The following MYO18B variants were observed in gnomAD, a reference collection of about 807,000 sequenced individuals.
MYO18B encodes unconventional myosin-XVIIIb.
MYO18B carries 204 observed loss-of-function variants against 273.0 expected under a neutral mutation model. The ratio of observed to expected loss-of-function variants is 0.75; its 90% confidence interval spans 0.67 to 0.84. The LOEUF (loss-of-function observed/expected upper bound fraction) is 0.84. Ranked by LOEUF, MYO18B falls within the 40% of genes least tolerant of loss-of-function variation. The pLI is 0.00. For synonymous variants in MYO18B, 1,330 were observed against 1,305.7 expected (o/e 1.02, Z -0.40); for missense variants, 3,212 against 3,287.6 (o/e 0.98, Z 0.56).
chr22:26,030,017 G>A (rs1227100132), intron 43 of MYO18B, among the ~76,000 whole-genome samples: 1 of 152,028 alleles, frequency 6.6e-6, no homozygotes, highest in Non-Finnish European at 1.5e-5. Context: ...CTACAGTAAC[G>A]CCACCTGGGT....
At chr22:25,969,543 G>A (rs945523117) in intron 39 of MYO18B, among the ~76,000 whole-genome samples, 5 of 152,202 alleles carry the variant, frequency 3.3e-5, no homozygotes, top group Non-Finnish European at 7.3e-5. Context: ...GCAGAGAGGA[G>A]TATTTGTGAT....
intron 23 of MYO18B, 77 bp from the exon 24 acceptor site, chr22:25,876,112 C>T (rs1200723689): frequency 2.0e-6 from 3 of 1,495,010 alleles, no homozygotes; most frequent in Admixed American, 3.8e-5. Flanking sequence ...CCCTTTGCTA[C>T]CCTCTGCCTC....
At position 25,874,434 on chromosome 22, in the gene MYO18B, T is replaced by C. The variant is rs1293633390; in HGVS notation, c.4080+20T>C. 5 of 1,606,904 alleles carry C rather than the reference T, an allele frequency of 3.1e-6. No individual in the cohort carries two copies. Among genetic ancestry groups the C allele is most frequent in the Non-Finnish European group, 4.3e-6 (5 of 1,176,302 alleles). The stretch of plus-strand genomic sequence containing the variant: ...CTGAAGGTACTGCATGCCGTTCCCA[T>C]GAGGAGTCTGATCCAACGGGTCTGG... On this transcript the variant is annotated intron_variant, in intron 23 of 43. Transcript: ENST00000335473.
chr22:25,957,677 G>C lies in MYO18B; in HGVS notation c.6156+2313G>C, dbSNP rs565513826. Among the ~76,000 whole-genome samples, 18 of 152,268 alleles carry C rather than the reference G, an allele frequency of 1.2e-4. No individual in the cohort carries two copies. In the South Asian group the frequency reaches 3.7e-3, roughly 32 times the overall value. On this transcript the variant is annotated intron_variant, in intron 39 of 43. Coordinates refer to ENST00000335473, the MANE Select transcript of MYO18B (RefSeq NM_032608.7). ...GGCTACACTCCCTCTGAAGGCTCTG[G>C]AAGAGCATCCTTCCTTGCCTCTTCC...
intron 33 of MYO18B, among the ~76,000 whole-genome samples, chr22:25,918,002 A>G (rs944164105): frequency 3.9e-5 from 6 of 152,238 alleles, no homozygotes; most frequent in African/African-American, 1.4e-4. Flanking sequence ...CCAGGATTGC[A>G]TAGCAAGTTA....
chr22:25,985,718 C>T (rs941980955), intron 39 of MYO18B, among the ~76,000 whole-genome samples: 14 of 152,082 alleles, frequency 9.2e-5, no homozygotes, highest in Non-Finnish European at 1.6e-4. Flanking sequence ...CACCCTCCGC[C>T]TCCCAGGTTC....
In MYO18B at chr22:25,768,790, A is replaced by G. The variant is rs369248206; in HGVS notation, c.874A>G (p.Thr292Ala). The change falls in exon 4 of 44, where the codon ACG becomes GCG. Residue 292 changes from threonine to alanine, a missense_variant. Thr to Ala is a moderately conservative substitution (Grantham distance 58). Coordinates refer to ENST00000335473, the MANE Select transcript of MYO18B (RefSeq NM_032608.7). ...GAAGGAGGGAGCAGAGCCCACAAAC[A>G]CGGTGGAAAAGGGGAATGTCTCTAA... ...AEKEGAEPTN[T>A]VEKGNVSKDV... 1 of 1,609,620 alleles carries G rather than the reference A, an allele frequency of 6.2e-7. No individual in the cohort carries two copies. Among genetic ancestry groups the G allele is most frequent in the African/African-American group, 1.3e-5 (1 of 74,864 alleles).
intron 7 of MYO18B, among the ~76,000 whole-genome samples, chr22:25,775,375 C>T (rs1270750238): frequency 6.6e-6 from 1 of 152,196 alleles, no homozygotes; most frequent in East Asian, 1.9e-4. Context: ...GGAGGGCCAT[C>T]ACACCAGGGT....
intron 3 of MYO18B, 71 bp downstream of exon 3, chr22:25,763,460 G>A: frequency 6.6e-7 from 1 of 1,517,614 alleles, no homozygotes; most frequent in Non-Finnish European, 8.8e-7. Flanking sequence ...AGCTTCCTCT[G>A]AGTCATTTGT....
chr22:26,048,217 C>G, the MYO18B span, among the ~76,000 whole-genome samples: 1 of 152,102 alleles, frequency 6.6e-6, no homozygotes, highest in African/African-American at 2.4e-5. Flanking sequence ...GTAAAAGCCA[C>G]GAGGACAAGA....
chr22:26,061,864 T>C, the MYO18B span, among the ~76,000 whole-genome samples: 1 of 148,978 alleles, frequency 6.7e-6, no homozygotes, highest in Non-Finnish European at 1.5e-5. Context: ...CCATCATTTT[T>C]CCATGATTTA....
At chr22:25,757,708 A>C (rs921059080) in intron 1 of MYO18B, among the ~76,000 whole-genome samples, 5 of 152,216 alleles carry the variant, frequency 3.3e-5, no homozygotes, top group Admixed American at 1.3e-4. Flanking sequence ...GGGCCCGGCC[A>C]ACCAGAGCTA....
chr22:25,768,563 C>G lies in MYO18B; in HGVS notation c.647C>G (p.Thr216Ser). The G allele has an allele frequency of 6.5e-7, 1 of 1,538,674 alleles. No individual in the cohort carries two copies. Residue 216 changes from threonine to serine, a missense_variant, in exon 4 of 44, where the codon ACC (threonine) becomes AGC (serine). Physicochemically the swap from Thr to Ser is moderately conservative, Grantham distance 58. Coordinates refer to ENST00000335473, the MANE Select transcript of MYO18B (RefSeq NM_032608.7). ...ATCTTGGCCCCGAAAGCTGAGAAGA[C>G]CCGGACTGGGGGTCTTGGGGACCCA... ...TEILAPKAEK[T>S]RTGGLGDPGQ... is the part of the protein sequence containing the mutation.
intron 39 of MYO18B, among the ~76,000 whole-genome samples, chr22:25,969,398 A>T (rs1450374568): frequency 6.6e-6 from 1 of 152,220 alleles, no homozygotes; most frequent in Non-Finnish European, 1.5e-5. Context: ...CTGGCCCCTG[A>T]GGCAGCACCA....
intron 30 of MYO18B, 74 bp from the exon 31 acceptor site, chr22:25,903,554 GGTT>G: frequency 7.1e-7 from 1 of 1,416,994 alleles, no homozygotes; most frequent in Non-Finnish European, 9.6e-7. Context: ...AGCCCCAGTT[GGTT>G]GTAGAGGTAT....
chr22:25,746,377 C>T (rs1005627091), intron 1 of MYO18B, among the ~76,000 whole-genome samples: 1 of 152,186 alleles, frequency 6.6e-6, no homozygotes, highest in African/African-American at 2.4e-5. Context: ...TGCTCCTTCC[C>T]ATTTGTCATG....
At chr22:26,014,395 A>G (rs991904924) in intron 42 of MYO18B, among the ~76,000 whole-genome samples, 1 of 152,176 alleles carries the variant, frequency 6.6e-6, no homozygotes, top group Non-Finnish European at 1.5e-5. Flanking sequence ...TTGGAAGTAT[A>G]AGTTCTCCAT....
At position 25,768,350 on chromosome 22, in the gene MYO18B, A is replaced by G. The variant is rs775754408; in HGVS notation, c.434A>G (p.Lys145Arg). ...ATPTKKTVPF[K>R]RGVRRGDVLL... ...CCAACCAAAAAGACTGTCCCCTTCAAGAGGGGCGTGAGGAGGGGTGATGTG... is the reference window on the plus strand; with the variant it reads ...CCAACCAAAAAGACTGTCCCCTTCAGGAGGGGCGTGAGGAGGGGTGATGTG... Residue 145 changes from lysine to arginine, a missense_variant, in exon 4 of 44, where the codon AAG becomes AGG. Coordinates refer to ENST00000335473, the MANE Select transcript of MYO18B (RefSeq NM_032608.7). The G allele has an allele frequency of 5.0e-6, 8 of 1,613,728 alleles. No homozygotes were observed. In the Admixed American group the frequency reaches 1.2e-4, roughly 24 times the overall value.
intron 11 of MYO18B, among the ~76,000 whole-genome samples, chr22:25,796,266 T>C (rs1185443044): frequency 1.3e-5 from 2 of 152,138 alleles, no homozygotes; most frequent in African/African-American, 2.4e-5. Flanking sequence ...CATCTGATCA[T>C]GTCATTTTCT....
Sources: gnomAD v4.1 joint callset for allele counts (sites outside exome capture counted in the v4.1 genomes callset) on GRCh38, gnomAD v4.1.1 for gene constraint, MANE v1.5 for transcripts, NCBI Gene and HGNC (gene_info 2026-07-23, HGNC 2026-07-21) for gene names.